Variants in KANK1 observed in about 807,000 individuals in gnomAD.
KANK1 encodes the protein KN motif and ankyrin repeat domain-containing protein 1.
A neutral mutation model predicts 106.2 loss-of-function variants in KANK1; 109 were observed. The ratio of observed to expected loss-of-function variants is 1.03; its 90% CI spans 0.88 to 1.20. The LOEUF (loss-of-function observed/expected upper bound fraction) is 1.20, where lower values mean the gene tolerates loss of function less well. Ranked by LOEUF, KANK1 falls within the 50% of genes most tolerant of loss-of-function variation. The pLI is 0.00. For synonymous variants in KANK1, 873 were observed against 652.2 expected (o/e 1.34, Z -5.16); for missense variants, 2,399 against 1,710.7 (o/e 1.40, Z -7.10).
At chr9:638,855 C>T (rs1418867170) in intron 1 of KANK1, among the ~76,000 whole-genome samples, 1 of 152,126 alleles carries the variant, frequency 6.6e-6, no homozygotes, top group African/African-American at 2.4e-5. Flanking sequence ...TGTGTTACTG[C>T]CAGGAAGAGA....
At chr9:690,078 A>G (rs541493006) in intron 2 of KANK1, among the ~76,000 whole-genome samples, 11 of 141,706 alleles carry the variant, frequency 7.8e-5, no homozygotes, top group Middle Eastern at 4.1e-3. Context: ...ACCTGAGGTC[A>G]GGAGTTTGAG....
rs150049188 is a variant in KANK1 at position 517,323 on chromosome 9, C to T, written c.-84+12569C>T. ...TTCACCATGTTGGCCAGGATGGTCT[C>T]GATTTCCTGGCCTCATGATCTGCCT... On this transcript the variant is annotated intron_variant, in intron 1 of 11. Transcript: ENST00000382297. 6.2e-3 allele frequency among the ~76,000 whole-genome samples: 947 copies of T among 151,690 alleles called. 27 individuals are homozygous for T. In the East Asian group the frequency reaches 0.068, roughly 11 times the overall value.
rs76927451 is a variant in KANK1 at position 557,260 on chromosome 9, T to C, written c.-84+52506T>C. 0.016 allele frequency among the ~76,000 whole-genome samples: 2,367 copies of C among 151,768 alleles called. 159 individuals are homozygous for C. The East Asian group carries it at 0.22, about 14-fold the overall frequency. On this transcript the variant is annotated intron_variant, in intron 1 of 11. Transcript: ENST00000382297. ...TGATGTTCTTATAAGTGAAAAGATA[T>C]ATTGTTTTGGTTTTGCTTTAAGATT...
chr9:728,664 G>A (rs894187530), intron 3 of KANK1, among the ~76,000 whole-genome samples: 2 of 152,154 alleles, frequency 1.3e-5, no homozygotes, highest in African/African-American at 4.8e-5. Flanking sequence ...CTATATAGAG[G>A]TCTGAAAAGT....
chr9:534,770 A>T (rs183042836), intron 1 of KANK1, among the ~76,000 whole-genome samples: 93 of 152,344 alleles, frequency 6.1e-4, no homozygotes, highest in African/African-American at 2.1e-3. Context: ...CAGAAACTTG[A>T]TAAAAGCACC....
intron 2 of KANK1, among the ~76,000 whole-genome samples, chr9:699,820 A>C (rs1333626824): frequency 1.3e-5 from 2 of 152,210 alleles, no homozygotes; most frequent in African/African-American, 4.8e-5. Flanking sequence ...CATCTCTATA[A>C]AAAATTTAAA....
In KANK1 at chr9:745,301, C is replaced by CAGAT. The variant is rs1413350426; in HGVS notation, c.*68_*71dup. On this transcript the variant is annotated 3_prime_UTR_variant, in exon 12 of 12. Coordinates refer to ENST00000382297, the MANE Select transcript of KANK1 (RefSeq NM_015158.5). The stretch of plus-strand genomic sequence containing the variant: ...CTGCTAATTGTTCCTGTTGGGGTGA[C>CAGAT]AGATACTGAATGTATACGTATTGTG... The CAGAT allele has an allele frequency of 3.2e-5, 51 of 1,587,660 alleles. 1 individual carries two copies. Among genetic ancestry groups the CAGAT allele is most frequent in the South Asian group, 1.5e-4 (14 of 90,410 alleles).
chr9:585,630 G>C (rs1200192443), intron 1 of KANK1, among the ~76,000 whole-genome samples: 1 of 152,204 alleles, frequency 6.6e-6, no homozygotes, highest in African/African-American at 2.4e-5. Flanking sequence ...TTGTCAGCTG[G>C]ACAGCTAATC....
intron 1 of KANK1, among the ~76,000 whole-genome samples, chr9:662,364 G>T (rs1056720519): frequency 6.6e-6 from 1 of 152,136 alleles, no homozygotes; most frequent in African/African-American, 2.4e-5. Flanking sequence ...AGCCCGCATT[G>T]CCAAGACAGT....
chr9:692,181 A>C (rs1820111414), intron 2 of KANK1, among the ~76,000 whole-genome samples: 1 of 152,196 alleles, frequency 6.6e-6, no homozygotes. Context: ...TGGTGCCTGC[A>C]CATGCCCTGC....
intron 7 of KANK1, among the ~76,000 whole-genome samples, chr9:737,886 C>G (rs1433575475): frequency 6.6e-6 from 1 of 152,194 alleles, no homozygotes; most frequent in Non-Finnish European, 1.5e-5. Flanking sequence ...TAAATGGAGC[C>G]AAGCCTGAGT....
chr9:596,307 A>T (rs1027198670), intron 1 of KANK1, among the ~76,000 whole-genome samples: 2 of 151,858 alleles, frequency 1.3e-5, no homozygotes, highest in African/African-American at 4.9e-5. Context: ...ATCCCTGTGT[A>T]TGGGCTCTAG....
In KANK1 at chr9:564,425, A is replaced by G. The variant is rs73373035; in HGVS notation, c.-84+59671A>G. ...TTTTTCTCACCAGACACCCTTATAC[A>G]TACAAAACAATCTGAACATGTGTCC... On this transcript the variant is annotated intron_variant, in intron 1 of 11. Transcript: ENST00000382297. Among the ~76,000 whole-genome samples the G allele has an allele frequency of 9.1e-3, 1,390 of 152,298 alleles. 23 individuals are homozygous for G. Among genetic ancestry groups the G allele is most frequent in the African/African-American group, 0.024 (986 of 41,550 alleles).
chr9:577,535 G>A (rs192463647), intron 1 of KANK1, among the ~76,000 whole-genome samples: 70 of 152,264 alleles, frequency 4.6e-4, no homozygotes, highest in Middle Eastern at 3.4e-3. Flanking sequence ...CTCCAAGTCC[G>A]CACCCGACCC....
rs1225010338 is a variant in KANK1, at chr9:738,394, CA to C, written c.3444del (p.Asp1149MetfsTer30). Reference protein sequence around the residue: ...DYIAAFEAISPDVLRYVINLA... With the variant: ...DYIAAFEAISXDVLRYVINLA... The stretch of plus-strand genomic sequence containing the variant: ...ATAGCTGCTTTTGAGGCCATTTCCC[CA>C]GATGTCCTCCGCTATGTCATCAACT... On this transcript the variant is annotated frameshift_variant, in exon 8 of 12. Transcript: ENST00000382297. LOFTEE classifies it high-confidence loss of function. 2 of 1,614,112 alleles carry C rather than the reference CA, an allele frequency of 1.2e-6. No homozygotes were observed. The highest frequency in any genetic ancestry group is 2.2e-5 in the South Asian group (2 of 91,074).
chr9:580,408 T>C (rs552370329), intron 1 of KANK1, among the ~76,000 whole-genome samples: 2 of 152,322 alleles, frequency 1.3e-5, no homozygotes, highest in South Asian at 4.1e-4. Context: ...TTGCCACTGC[T>C]GGCTCAGGCA....
chr9:525,423 A>C (rs6476942), intron 1 of KANK1, among the ~76,000 whole-genome samples: 1 of 149,976 alleles, frequency 6.7e-6, no homozygotes, highest in African/African-American at 2.5e-5. Flanking sequence ...GGCCCAGGCC[A>C]AAGTGAAGTG....
At chr9:722,867 A>C (rs2131389799) in intron 3 of KANK1, among the ~76,000 whole-genome samples, 1 of 152,342 alleles carries the variant, frequency 6.6e-6, no homozygotes, top group Admixed American at 6.5e-5. Context: ...AGAATGTAGC[A>C]GGGAGGAACT....
chr9:568,929 C>T (rs562172059), intron 1 of KANK1, among the ~76,000 whole-genome samples: 14 of 152,240 alleles, frequency 9.2e-5, no homozygotes, highest in South Asian at 6.2e-4. Context: ...AAAATGGGAT[C>T]GATTTCCACA....
Sources: allele counts gnomAD v4.1 joint callset (sites outside exome capture counted in the v4.1 genomes callset), GRCh38; gene constraint gnomAD v4.1.1; transcripts MANE v1.5; gene names NCBI Gene and HGNC (gene_info 2026-07-23, HGNC 2026-07-21).